Variants in CDH13 observed in about 807,000 individuals in gnomAD.
CDH13 encodes the protein cadherin 13.
Under a neutral mutation model 63.8 loss-of-function variants are expected in CDH13, and 24 were observed. The observed-to-expected ratio is 0.38, with a 90% confidence interval of 0.27 to 0.53. The LOEUF (loss-of-function observed/expected upper bound fraction) is 0.53, where lower values mean the gene tolerates loss of function less well. Ranked by LOEUF, CDH13 falls within the 20% of genes least tolerant of loss-of-function variation. The pLI is 0.85. For missense variants in CDH13, 1,049 were observed against 903.1 expected, an observed-to-expected ratio of 1.16 and a Z score of -2.07; for synonymous variants, 503 against 355.3, an observed-to-expected ratio of 1.42 and a Z score of -4.67.
chr16:82,632,205 G>A (rs1908096560), intron 1 of CDH13, among the ~76,000 whole-genome samples: 1 of 152,108 alleles, frequency 6.6e-6, no homozygotes. Context: ...AGCCTTCTGT[G>A]CTCACTAATT....
chr16:83,539,003 A>G (rs1433140900), intron 7 of CDH13, among the ~76,000 whole-genome samples: 1 of 152,182 alleles, frequency 6.6e-6, no homozygotes, highest in Non-Finnish European at 1.5e-5. Context: ...CAGAACTTTT[A>G]TTAAACCAAG....
At chr16:82,746,534 C>A (rs1174805835) in intron 1 of CDH13, among the ~76,000 whole-genome samples, 3 of 151,986 alleles carry the variant, frequency 2.0e-5, no homozygotes, top group Non-Finnish European at 4.4e-5. Flanking sequence ...CGGGTTATTA[C>A]TTTAGCAGAA....
chr16:82,787,055 C>T (rs2036050717), intron 1 of CDH13, among the ~76,000 whole-genome samples: 1 of 152,082 alleles, frequency 6.6e-6, no homozygotes, highest in African/African-American at 2.4e-5. Flanking sequence ...TGGATAGCTT[C>T]CTAAAGTAAC....
chr16:83,749,828 G>C (rs943349910), intron 11 of CDH13, among the ~76,000 whole-genome samples: 1 of 152,162 alleles, frequency 6.6e-6, no homozygotes, highest in Non-Finnish European at 1.5e-5. Context: ...AGAAGCCCCT[G>C]TCCAGCCTGG....
intron 13 of CDH13, among the ~76,000 whole-genome samples, chr16:83,793,714 A>G (rs1916420466): frequency 6.6e-6 from 1 of 151,998 alleles, no homozygotes; most frequent in African/African-American, 2.4e-5. Flanking sequence ...CAGGAGGCTG[A>G]GGCAAAAGAA....
chr16:82,818,482 A>G (rs914291653), intron 1 of CDH13, among the ~76,000 whole-genome samples: 6 of 152,234 alleles, frequency 3.9e-5, no homozygotes, highest in African/African-American at 1.4e-4. Flanking sequence ...GATAATTTCC[A>G]TAAAAGAAAA....
chr16:83,433,060 G>T (rs1209888767), intron 6 of CDH13, among the ~76,000 whole-genome samples: 1 of 152,146 alleles, frequency 6.6e-6, no homozygotes, highest in African/African-American at 2.4e-5. Flanking sequence ...CTCTCTTACT[G>T]TGTCATGCTT....
intron 1 of CDH13, among the ~76,000 whole-genome samples, chr16:82,766,703 C>G (rs1193274900): frequency 2.0e-5 from 3 of 152,194 alleles, no homozygotes; most frequent in Admixed American, 6.5e-5. Flanking sequence ...TCCTTTATAT[C>G]ATTATCCAAA....
intron 4 of CDH13, among the ~76,000 whole-genome samples, chr16:83,135,070 A>C (rs1476383243): frequency 6.6e-6 from 1 of 152,200 alleles, no homozygotes; most frequent in Non-Finnish European, 1.5e-5. Flanking sequence ...GGGTTGTTGA[A>C]GAATTTTCAA....
chr16:83,101,190 G>A (rs116311298), intron 3 of CDH13, among the ~76,000 whole-genome samples: 2,268 of 150,800 alleles, frequency 0.015, 47 homozygotes, highest in African/African-American at 0.052. Context: ...CTTCTTAATA[G>A]AAAAGTATAT....
At chr16:83,200,927 G>GTA in intron 4 of CDH13, among the ~76,000 whole-genome samples, 1 of 82,396 alleles carries the variant, frequency 1.2e-5, no homozygotes. Flanking sequence ...AAAAATGTGT[G>GTA]TGTGTGTGTG....
At chr16:83,211,962 A>T (rs1413737204) in intron 4 of CDH13, among the ~76,000 whole-genome samples, 1 of 152,198 alleles carries the variant, frequency 6.6e-6, no homozygotes, top group Non-Finnish European at 1.5e-5. Flanking sequence ...AAAGAATAAT[A>T]GGAAGTTCTC....
At chr16:83,741,860 T>C (rs1049999605) in intron 10 of CDH13, among the ~76,000 whole-genome samples, 7 of 152,100 alleles carry the variant, frequency 4.6e-5, no homozygotes, top group Non-Finnish European at 8.8e-5. Context: ...GGAGCACAAA[T>C]CCTATTGTGA....
At chr16:83,091,863 C>T (rs555822870) in intron 3 of CDH13, among the ~76,000 whole-genome samples, 1 of 152,288 alleles carries the variant, frequency 6.6e-6, no homozygotes, top group South Asian at 2.1e-4. Flanking sequence ...GAAATCTTTA[C>T]TCCAAAGGGT....
intron 4 of CDH13, among the ~76,000 whole-genome samples, chr16:83,186,421 G>A (rs1285238308): frequency 6.6e-6 from 1 of 152,124 alleles, no homozygotes; most frequent in Non-Finnish European, 1.5e-5. Context: ...ACAGGCCTGA[G>A]CCACAGCGCC....
At chr16:82,978,166 C>G (rs894241763) in intron 2 of CDH13, among the ~76,000 whole-genome samples, 9 of 152,042 alleles carry the variant, frequency 5.9e-5, no homozygotes, top group African/African-American at 2.2e-4. Context: ...GGCTTGGGTG[C>G]TGTTAAAAGT....
intron 5 of CDH13, among the ~76,000 whole-genome samples, chr16:83,248,611 C>T (rs1268502659): frequency 1.3e-5 from 2 of 152,186 alleles, no homozygotes; most frequent in Non-Finnish European, 2.9e-5. Flanking sequence ...GGTTCCGTTT[C>T]TGTCTCTCAG....
intron 3 of CDH13, among the ~76,000 whole-genome samples, chr16:83,058,469 CT>C (rs1597242922): frequency 1.3e-5 from 2 of 152,294 alleles, no homozygotes; most frequent in East Asian, 3.9e-4. Context: ...CAGATGCATT[CT>C]TGTGACCTCA....
At chr16:83,652,888 T>G (rs1317081705) in intron 8 of CDH13, among the ~76,000 whole-genome samples, 1 of 152,120 alleles carries the variant, frequency 6.6e-6, no homozygotes, top group African/African-American at 2.4e-5. Flanking sequence ...AGCCACTAAG[T>G]GGAAACAGTT....
Sources: allele counts gnomAD v4.1 joint callset (sites outside exome capture counted in the v4.1 genomes callset), GRCh38; gene constraint gnomAD v4.1.1; transcripts MANE v1.5; gene names NCBI Gene and HGNC (gene_info 2026-07-23, HGNC 2026-07-21).